Variants in GPAT3 observed in about 807,000 individuals in gnomAD.
GPAT3 encodes 1-AGP acyltransferase 9.
Under a neutral mutation model 58.8 loss-of-function variants are expected in GPAT3, and 53 were observed. That is an observed-to-expected ratio of 0.90 (90% CI 0.72 to 1.13). The LOEUF (loss-of-function observed/expected upper bound fraction) is 1.13, where lower values mean the gene tolerates loss of function less well. Among genes scored for constraint, GPAT3 ranks in the 50% most tolerant of loss-of-function variants. GPAT3 has a pLI of 0.00. For missense variants in GPAT3, 511 were observed against 527.6 expected (o/e 0.97, Z 0.31); for synonymous variants, 197 against 187.4 (o/e 1.05, Z -0.42).
At chr4:83,540,874 G>C (rs1344767255) in intron 1 of GPAT3, among the ~76,000 whole-genome samples, 1 of 152,072 alleles carries the variant, frequency 6.6e-6, no homozygotes, top group Non-Finnish European at 1.5e-5. Context: ...ATTTTCAATA[G>C]AGATGGGGTT....
intron 2 of GPAT3, among the ~76,000 whole-genome samples, chr4:83,559,472 T>C (rs1195128634): frequency 1.3e-5 from 2 of 152,040 alleles, no homozygotes; most frequent in African/African-American, 4.8e-5. Context: ...TACAGGCGCA[T>C]GCTGCCACGC....
Position 83,577,828 on chromosome 4 carries a change from G to A in GPAT3, c.209-3734G>A, listed in dbSNP as rs573397309. Reference sequence around the variant, plus strand: ...TTTTTTTTTTTTGAGACAGGGTCTCGTTCTGTTGCCCAGGCTGGAGTAGTG... The same window carrying A: ...TTTTTTTTTTTTGAGACAGGGTCTCATTCTGTTGCCCAGGCTGGAGTAGTG... On this transcript the variant is annotated intron_variant, in intron 2 of 11. Coordinates refer to ENST00000264409, the MANE Select transcript of GPAT3 (RefSeq NM_032717.5). Among the ~76,000 whole-genome samples the A allele has an allele frequency of 4.8e-4, 58 of 119,916 alleles. 1 individual carries two copies. The highest frequency in any genetic ancestry group is 6.8e-4 in the Admixed American group (6 of 8,810). The allele number at this position is 119,916 out of a possible 152,430, so 78.7% of individuals were successfully genotyped here.
At chr4:83,595,973 C>A (rs1369493938) in intron 7 of GPAT3, among the ~76,000 whole-genome samples, 2 of 152,220 alleles carry the variant, frequency 1.3e-5, no homozygotes, top group Non-Finnish European at 2.9e-5. Flanking sequence ...CAGTGGGACA[C>A]TCTGGCAGCT....
At chr4:83,551,794 A>G (rs1007060483) in intron 2 of GPAT3, among the ~76,000 whole-genome samples, 6 of 64,178 alleles carry the variant, frequency 9.3e-5, no homozygotes, top group Non-Finnish European at 1.5e-4. Flanking sequence ...TCCATCTCGG[A>G]AAAAAAAAAA....
At chr4:83,565,951 C>G (rs183473319) in intron 2 of GPAT3, among the ~76,000 whole-genome samples, 3 of 152,270 alleles carry the variant, frequency 2.0e-5, no homozygotes, top group Admixed American at 6.5e-5. Context: ...TCTAAACTAC[C>G]TAAGATCTTT....
intron 11 of GPAT3, among the ~76,000 whole-genome samples, chr4:83,601,491 G>A (rs938497389): frequency 6.6e-6 from 1 of 152,216 alleles, no homozygotes; most frequent in Non-Finnish European, 1.5e-5. Flanking sequence ...AGTGGCTCAT[G>A]CCTGTAATCC....
intron 11 of GPAT3, among the ~76,000 whole-genome samples, chr4:83,601,923 A>G (rs1253169865): frequency 6.6e-6 from 1 of 152,204 alleles, no homozygotes; most frequent in Non-Finnish European, 1.5e-5. Context: ...CTTGACTAAC[A>G]AGGTGTATGA....
At chr4:83,595,864 A>G (rs1278087288) in intron 7 of GPAT3, among the ~76,000 whole-genome samples, 2 of 152,254 alleles carry the variant, frequency 1.3e-5, no homozygotes, top group African/African-American at 4.8e-5. Context: ...TATCGCTTCT[A>G]TAAACACAAA....
At chr4:83,598,493 C>A in intron 10 of GPAT3, 151 bp from the exon 11 acceptor site, 2 of 802,216 alleles carry the variant, frequency 2.5e-6, no homozygotes, top group Non-Finnish European at 4.1e-6. Context: ...CTTTATAGAA[C>A]AAATGATATT....
intron 2 of GPAT3, among the ~76,000 whole-genome samples, chr4:83,560,403 T>C (rs757163857): frequency 5.3e-5 from 8 of 151,546 alleles, no homozygotes; most frequent in Non-Finnish European, 1.2e-4. Context: ...TCATTTCTTA[T>C]TTATTTTTGT....
Position 83,579,091 on chromosome 4 carries a change from C to T in GPAT3, c.209-2471C>T, listed in dbSNP as rs1463575983. ...CTTTCTTTCTTTCTTCCCTTCCTTC[C>T]TTCCTTCCTTCCTTCCTTCCTTCCT... On this transcript the variant is annotated intron_variant, in intron 2 of 11. Transcript: ENST00000264409. 1.9e-4 allele frequency among the ~76,000 whole-genome samples: 18 copies of T among 93,434 alleles called. 1 individual carries two copies. The highest frequency in any genetic ancestry group is 1.8e-3 in the East Asian group (5 of 2,734). The allele number at this position is 93,434 out of a possible 152,430, so 61.3% of individuals were successfully genotyped here. A position where few individuals can be genotyped will look rare whatever the true frequency, so the allele number is the denominator to read the frequency against.
At chr4:83,572,862 C>T (rs183282911) in intron 2 of GPAT3, among the ~76,000 whole-genome samples, 2 of 152,254 alleles carry the variant, frequency 1.3e-5, no homozygotes, top group African/African-American at 4.8e-5. Context: ...GAAATCTTAA[C>T]TTAACTAATG....
Position 83,583,066 on chromosome 4 carries a change from G to C in GPAT3, c.479+1234G>C, listed in dbSNP as rs1726217313. On this transcript the variant is annotated intron_variant, in intron 3 of 11. Transcript: ENST00000264409. The stretch of plus-strand genomic sequence containing the variant: ...TAATCCCAGCACTTTGGGAGGCCGA[G>C]GTGGGCGGATCACAAGATCAAGAGA... Among the ~76,000 whole-genome samples, 5 of 152,250 alleles carry C rather than the reference G, an allele frequency of 3.3e-5. No individual in the cohort carries two copies. The South Asian group carries it at 1.0e-3, about 32-fold the overall frequency.
chr4:83,557,884 G>C (rs1316792720), intron 2 of GPAT3, among the ~76,000 whole-genome samples: 1 of 152,170 alleles, frequency 6.6e-6, no homozygotes. Flanking sequence ...TGGAGACTCA[G>C]AGTTTTAAAC....
At chr4:83,537,143 CCCCAGGTTTCAGA>C (rs1490731500) in intron 1 of GPAT3, among the ~76,000 whole-genome samples, 1 of 152,192 alleles carries the variant, frequency 6.6e-6, no homozygotes. Flanking sequence ...GTTTTTACAG[CCCCAGGTTTCAGA>C]GGTCCTTTTG....
chr4:83,597,552 T>C (rs755364918), intron 9 of GPAT3, 37 bp downstream of exon 9: 1 of 1,336,286 alleles, frequency 7.5e-7, no homozygotes, highest in Non-Finnish European at 1.0e-6. Context: ...ATAATTATTA[T>C]AAAGATATTG....
chr4:83,572,945 A>G (rs1403539980), intron 2 of GPAT3, among the ~76,000 whole-genome samples: 5 of 152,142 alleles, frequency 3.3e-5, no homozygotes, highest in African/African-American at 7.2e-5. Context: ...TATTGTGAGA[A>G]AAGGTGGCAA....
At chr4:83,579,047 T>C (rs1251426530) in intron 2 of GPAT3, among the ~76,000 whole-genome samples, 504 of 38,718 alleles carry the variant, frequency 0.013, 43 homozygotes, top group African/African-American at 0.045. Flanking sequence ...TCTTTCTTTC[T>C]TTCTTTCTTT....
At chr4:83,578,056 C>T (rs888360827) in intron 2 of GPAT3, among the ~76,000 whole-genome samples, 2 of 152,132 alleles carry the variant, frequency 1.3e-5, no homozygotes, top group African/African-American at 4.8e-5. Context: ...CCACCTCGGC[C>T]TCCCAAAGTG....
Sources: allele counts gnomAD v4.1 joint callset (sites outside exome capture counted in the v4.1 genomes callset), GRCh38; gene constraint gnomAD v4.1.1; transcripts MANE v1.5; gene names NCBI Gene and HGNC (gene_info 2026-07-23, HGNC 2026-07-21).